Variants in TBC1D2B observed in about 807,000 individuals in gnomAD.
The protein encoded by TBC1D2B is TBC1 domain family, member 2B.
A neutral mutation model predicts 100.8 loss-of-function variants in TBC1D2B; 64 were observed. That is an observed-to-expected ratio of 0.64 (90% CI 0.52 to 0.78). The LOEUF (loss-of-function observed/expected upper bound fraction) is 0.78, where lower values mean the gene tolerates loss of function less well. TBC1D2B is among the 30% of genes least tolerant of loss of function. TBC1D2B has a pLI of 0.00. For synonymous variants in TBC1D2B, 480 were observed against 479.7 expected (o/e 1.00, Z -0.01); for missense variants, 1,052 against 1,218.4 (o/e 0.86, Z 2.03).
chr15:78,003,180 G>A (rs2071962152), intron 11 of TBC1D2B, 125 bp downstream of exon 11: 3 of 769,140 alleles, frequency 3.9e-6, no homozygotes, highest in Non-Finnish European at 6.5e-6. Flanking sequence ...AGGCCGTGCT[G>A]AGATCCCTTG....
intron 3 of TBC1D2B, among the ~76,000 whole-genome samples, chr15:78,036,829 G>A (rs1052342923): frequency 2.0e-5 from 3 of 152,168 alleles, no homozygotes; most frequent in South Asian, 2.1e-4. Context: ...CAAGGACTTC[G>A]AGAGGCTGCT....
chr15:78,077,640 C>G lies in TBC1D2B; in HGVS notation c.13G>C (p.Gly5Arg). The stretch of plus-strand genomic sequence containing the variant: ...CCGCCGCCCTCCTCCGCCCGGGCTC[C>G]GGCCCCCGGCATCGCTACCGCGCGC... MPGAGARAEEGGGGG... is the reference protein window; with the variant it reads MPGARARAEEGGGGG... The change falls in exon 1 of 13, where the codon GGA becomes CGA. Residue 5 changes from glycine (G) to arginine (R), a missense_variant. Gly to Arg is a moderately radical substitution (Grantham distance 125). Around this residue, in one of 4 missense-constraint regions of TBC1D2B, gnomAD observed 627 missense variants for 646.1 expected, o/e 0.97. Transcript: ENST00000300584. 1 of 992,886 alleles carries G rather than the reference C, an allele frequency of 1.0e-6. No individual in the cohort carries two copies. The allele number at this position is 992,886 out of a possible 1,614,324, so 61.5% of individuals were successfully genotyped here.
intron 1 of TBC1D2B, among the ~76,000 whole-genome samples, chr15:78,055,970 AG>A (rs1567031944): frequency 6.6e-6 from 1 of 152,236 alleles, no homozygotes; most frequent in Non-Finnish European, 1.5e-5. Context: ...GGTGCAGCAA[AG>A]GACAAGGTAC....
chr15:78,020,660 G>A (rs2072494177), intron 6 of TBC1D2B, among the ~76,000 whole-genome samples: 1 of 152,204 alleles, frequency 6.6e-6, no homozygotes, highest in African/African-American at 2.4e-5. Context: ...CAGAGGCCAT[G>A]CTCAATGTAA....
At chr15:78,024,097 TC>T (rs1209372927) in intron 6 of TBC1D2B, 58 bp downstream of exon 6, 19 of 1,541,016 alleles carry the variant, frequency 1.2e-5, no homozygotes, top group Non-Finnish European at 1.5e-5. Context: ...AGGCCAGGCC[TC>T]TGGGGTGACA....
Position 78,013,066 on chromosome 15 carries a change from A to G in TBC1D2B, c.2027T>C (p.Val676Ala), listed in dbSNP as rs762894619. Residue 676 changes from valine to alanine, a missense_variant, in exon 9 of 13, where the codon GTG (valine) becomes GCG (alanine). This residue lies in a region of TBC1D2B where 373 missense variants were observed against 464.9 expected (regional missense o/e 0.80). Coordinates refer to ENST00000300584, the MANE Select transcript of TBC1D2B (RefSeq NM_144572.2). Reference sequence around the variant, plus strand: ...CTTGAACTTCCTGGTGTGACGGTCCACACACCACTTCCACACCTTGGAACG... The same window carrying G: ...CTTGAACTTCCTGGTGTGACGGTCCGCACACCACTTCCACACCTTGGAACG... ...EHRSKVWKWC[V>A]DRHTRKFKDN... 1 of 1,614,034 alleles carries G rather than the reference A, an allele frequency of 6.2e-7. No individual in the cohort carries two copies. The highest frequency in any genetic ancestry group is 8.5e-7 in the Non-Finnish European group (1 of 1,179,892).
intron 1 of TBC1D2B, among the ~76,000 whole-genome samples, chr15:78,069,592 C>T (rs1264852580): frequency 6.6e-6 from 1 of 152,176 alleles, no homozygotes; most frequent in Admixed American, 6.5e-5. Flanking sequence ...GAGACCCAGT[C>T]CCCAAGATGA....
At chr15:78,054,284 G>C (rs779638807) in intron 1 of TBC1D2B, 97 bp from the exon 2 acceptor site, 7 of 1,258,834 alleles carry the variant, frequency 5.6e-6, no homozygotes, top group Non-Finnish European at 7.4e-6. Flanking sequence ...AGCTTGCCAT[G>C]TGAGAGTTAA....
intron 1 of TBC1D2B, among the ~76,000 whole-genome samples, chr15:78,055,654 C>T (rs868598475): frequency 2.6e-5 from 4 of 152,206 alleles, no homozygotes; most frequent in African/African-American, 7.2e-5. Context: ...TTTAGTGATA[C>T]TTGCACACCT....
At chr15:78,004,127 T>C (rs953886457) in intron 10 of TBC1D2B, among the ~76,000 whole-genome samples, 2 of 152,220 alleles carry the variant, frequency 1.3e-5, no homozygotes, top group Admixed American at 6.5e-5. Context: ...GAGGATTAAA[T>C]GAGGCTTATA....
chr15:78,019,163 T>C (rs2072450482), intron 6 of TBC1D2B, among the ~76,000 whole-genome samples: 1 of 151,922 alleles, frequency 6.6e-6, no homozygotes, highest in East Asian at 1.9e-4. Flanking sequence ...TTATACCACT[T>C]CCCCCATAAA....
chr15:78,009,196 G>T, intron 9 of TBC1D2B, 82 bp from the exon 10 acceptor site: 1 of 1,019,472 alleles, frequency 9.8e-7, no homozygotes, highest in Non-Finnish European at 1.5e-6. Context: ...TCTGCTTTAA[G>T]CCACTTTTTC....
At position 78,061,877 on chromosome 15, in the gene TBC1D2B, G is replaced by A. The variant is rs2073552627; in HGVS notation, c.361-7690C>T. Among the ~76,000 whole-genome samples, 4 of 152,024 alleles carry A rather than the reference G, an allele frequency of 2.6e-5. No homozygotes were observed. In the South Asian group the frequency reaches 8.3e-4, roughly 32 times the overall value. On this transcript the variant is annotated intron_variant, in intron 1 of 12. Transcript: ENST00000300584. The stretch of plus-strand genomic sequence containing the variant: ...GTATAGATTTCCACCAAATTATAAA[G>A]GTATGGAAGGGATGACAGGACTTAA...
chr15:78,032,826 A>G (rs2072850273), intron 3 of TBC1D2B, among the ~76,000 whole-genome samples: 1 of 152,158 alleles, frequency 6.6e-6, no homozygotes, highest in Non-Finnish European at 1.5e-5. Flanking sequence ...CGAAACAGAA[A>G]TATGACCTAA....
At chr15:78,000,543 G>A (rs914060899) in intron 12 of TBC1D2B, among the ~76,000 whole-genome samples, 1 of 152,230 alleles carries the variant, frequency 6.6e-6, no homozygotes, top group Non-Finnish European at 1.5e-5. Flanking sequence ...TCATTTGGCA[G>A]AAATCAGGGC....
At chr15:78,056,846 T>A (rs1266925446) in intron 1 of TBC1D2B, among the ~76,000 whole-genome samples, 1 of 152,048 alleles carries the variant, frequency 6.6e-6, no homozygotes, top group Non-Finnish European at 1.5e-5. Context: ...TGGGGGAATG[T>A]GCGTGTGTGG....
At chr15:78,069,009 C>G (rs200423577) in intron 1 of TBC1D2B, among the ~76,000 whole-genome samples, 2 of 150,778 alleles carry the variant, frequency 1.3e-5, no homozygotes, top group Non-Finnish European at 3.0e-5. Context: ...TGGTGGGGGT[C>G]TTTTTCTTTC....
At chr15:78,001,523 C>T (rs1324269475) in intron 12 of TBC1D2B, 96 bp downstream of exon 12, 2 of 1,418,532 alleles carry the variant, frequency 1.4e-6, no homozygotes, top group Non-Finnish European at 1.9e-6. Context: ...CCGGGGATGG[C>T]TCTGAGTTGG....
chr15:78,022,415 T>C (rs2072537707), intron 6 of TBC1D2B, among the ~76,000 whole-genome samples: 1 of 152,138 alleles, frequency 6.6e-6, no homozygotes, highest in Non-Finnish European at 1.5e-5. Flanking sequence ...AATCCCAAAA[T>C]GTGTATTATT....
Sources: gnomAD v4.1 joint callset for allele counts (sites outside exome capture counted in the v4.1 genomes callset) on GRCh38, gnomAD v4.1.1 for gene constraint, gnomAD v4.1.1 regional missense constraint, MANE v1.5 for transcripts, NCBI Gene and HGNC (gene_info 2026-07-23, HGNC 2026-07-21) for gene names.